Variants in IMMP2L observed in about 807,000 individuals in gnomAD.
The protein encoded by IMMP2L is mitochondrial inner membrane protease subunit 2.
A neutral mutation model predicts 19.3 loss-of-function variants in IMMP2L; 18 were observed. The observed-to-expected ratio is 0.93, with a 90% CI of 0.64 to 1.38. The LOEUF is 1.38. IMMP2L is among the 40% of genes most tolerant of loss of function. The probability of loss-of-function intolerance (pLI) is 0.00; values close to 1 mark genes in which losing one functional copy is unlikely to be tolerated. For missense variants in IMMP2L, 233 were observed against 218.2 expected (o/e 1.07, Z -0.43); for synonymous variants, 76 against 73.0 (o/e 1.04, Z -0.21).
intron 4 of IMMP2L, among the ~76,000 whole-genome samples, chr7:110,927,586 T>C (rs1420505214): frequency 1.3e-5 from 2 of 151,926 alleles, no homozygotes; most frequent in African/African-American, 2.4e-5. Context: ...GTTTTATATA[T>C]GGAGGAAAGG....
intron 3 of IMMP2L, among the ~76,000 whole-genome samples, chr7:111,448,329 G>A (rs1415569826): frequency 6.9e-6 from 1 of 145,966 alleles, no homozygotes; most frequent in African/African-American, 2.6e-5. Flanking sequence ...CTCAGCAAAT[G>A]TAAAAGAACA....
intron 3 of IMMP2L, among the ~76,000 whole-genome samples, chr7:110,970,187 A>C (rs1819996223): frequency 6.6e-6 from 1 of 152,284 alleles, no homozygotes; most frequent in South Asian, 2.1e-4. Context: ...GTAATTGAGT[A>C]TTTTTGATCC....
Position 111,561,990 on chromosome 7 carries a change from C to G in IMMP2L, c.-142G>C, listed in dbSNP as rs1010400745. 7 of 152,812 alleles carry G rather than the reference C, an allele frequency of 4.6e-5. No individual in the cohort carries two copies. The South Asian group carries it at 1.2e-3, about 27-fold the overall frequency. The allele number at this position is 152,812 out of a possible 1,614,324, so 9.5% of individuals were successfully genotyped here. A position where few individuals can be genotyped will look rare whatever the true frequency, so the allele number is the denominator to read the frequency against. ...ATGTTGTTCAAGCCTGACGCTCTCC[C>G]ACCACCTGCCCAACACTTCCAGGCA... On this transcript the variant is annotated 5_prime_UTR_variant, in exon 1 of 6. Transcript: ENST00000405709.
intron 5 of IMMP2L, among the ~76,000 whole-genome samples, chr7:110,698,632 T>G (rs538779722): frequency 6.6e-6 from 1 of 152,284 alleles, no homozygotes; most frequent in Admixed American, 6.5e-5. Flanking sequence ...GGACTAAAAG[T>G]TCATGCTCCA....
chr7:111,031,922 A>G (rs1790865741), intron 3 of IMMP2L, among the ~76,000 whole-genome samples: 1 of 147,290 alleles, frequency 6.8e-6, no homozygotes, highest in South Asian at 2.2e-4. Flanking sequence ...ATGACCATGA[A>G]AAACACCAGA....
At chr7:111,243,381 G>C (rs148596309) in intron 3 of IMMP2L, among the ~76,000 whole-genome samples, 1 of 152,012 alleles carries the variant, frequency 6.6e-6, no homozygotes, top group African/African-American at 2.4e-5. Flanking sequence ...CCAAGCTGTT[G>C]AAATTTTATA....
In IMMP2L at chr7:110,727,406, A is replaced by G. The variant is rs1057009153; in HGVS notation, c.409-63685T>C. On this transcript the variant is annotated intron_variant, in intron 5 of 5. Coordinates refer to ENST00000405709, the MANE Select transcript of IMMP2L (RefSeq NM_032549.4). This position sits in a 1 kb window ranked among gnomAD's most constrained non-coding sequence, Gnocchi z 4.3. ...ACTCTGTCTCTAAATAAATAAATAAATAAATAAATAAATATTAAAAATCCT... is the reference window on the plus strand; with the variant it reads ...ACTCTGTCTCTAAATAAATAAATAAGTAAATAAATAAATATTAAAAATCCT... 1.3e-4 allele frequency among the ~76,000 whole-genome samples: 19 copies of G among 151,980 alleles called. No homozygotes were observed. Among genetic ancestry groups the G allele is most frequent in the African/African-American group, 4.6e-4 (19 of 41,384 alleles).
intron 3 of IMMP2L, among the ~76,000 whole-genome samples, chr7:111,229,860 G>A: frequency 6.6e-6 from 1 of 151,910 alleles, no homozygotes; most frequent in East Asian, 1.9e-4. Flanking sequence ...TTACATTGGA[G>A]AAATGCTCAG....
intron 5 of IMMP2L, among the ~76,000 whole-genome samples, chr7:110,717,035 A>T (rs978348954): frequency 1.3e-5 from 2 of 152,218 alleles, no homozygotes; most frequent in Non-Finnish European, 2.9e-5. Context: ...TATGAGGAAT[A>T]AGATAATTAG....
At chr7:111,454,049 A>C (rs971977681) in intron 3 of IMMP2L, among the ~76,000 whole-genome samples, 1 of 152,178 alleles carries the variant, frequency 6.6e-6, no homozygotes, top group African/African-American at 2.4e-5. Context: ...TCATATATTT[A>C]ATACATCATC....
intron 3 of IMMP2L, among the ~76,000 whole-genome samples, chr7:111,467,531 T>C (rs1840792700): frequency 6.6e-6 from 1 of 152,190 alleles, no homozygotes; most frequent in African/African-American, 2.4e-5. Context: ...AGATGGCTGG[T>C]ATGTATATTG....
chr7:111,314,082 T>A (rs746201561), intron 3 of IMMP2L, among the ~76,000 whole-genome samples: 9 of 152,132 alleles, frequency 5.9e-5, no homozygotes, highest in Non-Finnish European at 1.3e-4. Context: ...TAGAAGCAGA[T>A]GCTGCTATGC....
At chr7:111,417,560 G>A (rs1253817046) in intron 3 of IMMP2L, among the ~76,000 whole-genome samples, 1 of 151,742 alleles carries the variant, frequency 6.6e-6, no homozygotes, top group Admixed American at 6.6e-5. Flanking sequence ...CGTAGTCAGA[G>A]GTCTATGAAG....
rs959623798 is a variant in IMMP2L, at chr7:110,779,364, A to G, written c.408+107229T>C. Reference sequence around the variant, plus strand: ...AACATCTTCTATACCTGAAAAATATAGTAAGTTATCAAAAAATACCAATGG... The same window carrying G: ...AACATCTTCTATACCTGAAAAATATGGTAAGTTATCAAAAAATACCAATGG... On this transcript the variant is annotated intron_variant, in intron 5 of 5. Transcript: ENST00000405709. Among the ~76,000 whole-genome samples the G allele has an allele frequency of 4.6e-5, 7 of 152,142 alleles. No homozygotes were observed. In the East Asian group the frequency reaches 1.4e-3, roughly 30 times the overall value.
chr7:111,142,780 C>A (rs1803072112), intron 3 of IMMP2L, among the ~76,000 whole-genome samples: 1 of 152,134 alleles, frequency 6.6e-6, no homozygotes, highest in Non-Finnish European at 1.5e-5. Flanking sequence ...TAAAATGGAG[C>A]AATATCCTAT....
chr7:111,327,237 G>C (rs976852709), intron 3 of IMMP2L, among the ~76,000 whole-genome samples: 1 of 151,614 alleles, frequency 6.6e-6, no homozygotes, highest in African/African-American at 2.4e-5. Context: ...GCTTGGGAGA[G>C]GGAAAAATGA....
At chr7:110,807,085 G>A (rs1372861716) in intron 5 of IMMP2L, among the ~76,000 whole-genome samples, 1 of 151,948 alleles carries the variant, frequency 6.6e-6, no homozygotes, top group Non-Finnish European at 1.5e-5. Context: ...CACTGTTTAA[G>A]AGACTTGTTC....
At chr7:111,419,752 A>C (rs1835308439) in intron 3 of IMMP2L, among the ~76,000 whole-genome samples, 1 of 151,700 alleles carries the variant, frequency 6.6e-6, no homozygotes, top group Non-Finnish European at 1.5e-5. Context: ...ACCTTGTCAC[A>C]GGCACGTGTC....
intron 3 of IMMP2L, among the ~76,000 whole-genome samples, chr7:111,476,691 T>G (rs1042224487): frequency 6.6e-6 from 1 of 152,178 alleles, no homozygotes; most frequent in Non-Finnish European, 1.5e-5. Context: ...ACTTGTTTCC[T>G]TGCTGATCTT....
Sources: gnomAD v4.1 joint callset for allele counts (sites outside exome capture counted in the v4.1 genomes callset) on GRCh38, gnomAD v4.1.1 for gene constraint, Gnocchi (gnomAD v3.1) non-coding constraint, MANE v1.5 for transcripts, NCBI Gene and HGNC (gene_info 2026-07-23, HGNC 2026-07-21) for gene names.